The following CLIP3 variants were observed in gnomAD, a reference collection of about 807,000 sequenced individuals.
The protein encoded by CLIP3 is CAP-Gly domain containing linker protein 3.
CLIP3 carries 15 observed loss-of-function variants against 59.4 expected under a neutral mutation model. The ratio of observed to expected loss-of-function variants is 0.25; its 90% CI spans 0.17 to 0.39. The LOEUF is 0.39. CLIP3 is among the 10% of genes least tolerant of loss of function. The probability of loss-of-function intolerance (pLI) is 1.00; values close to 1 mark genes in which losing one functional copy is unlikely to be tolerated. For missense variants in CLIP3, 495 were observed against 765.7 expected, an observed-to-expected ratio of 0.65 and a Z score of 4.17; for synonymous variants, 300 against 321.6, an observed-to-expected ratio of 0.93 and a Z score of 0.72.
chr19:36,032,223 G>A lies in CLIP3; in HGVS notation c.135C>T (p.Pro45=). 1 of 1,305,284 alleles carries A rather than the reference G, an allele frequency of 7.7e-7. No individual in the cohort carries two copies. Among genetic ancestry groups the A allele is most frequent in the South Asian group, 2.7e-5 (1 of 37,028 alleles). 80.9% of individuals were successfully genotyped at this position (1,305,284 alleles called of 1,614,324 possible). Residue 45 remains proline (P), a synonymous_variant, in exon 2 of 14, where the codon CCC becomes CCT. Coordinates refer to ENST00000360535, the MANE Select transcript of CLIP3 (RefSeq NM_015526.3). The surrounding 1 kb of genome is among the most constrained non-coding windows in gnomAD (Gnocchi z 4.3). ...QERRQKPVVH[P]SAPAPLPKDY... ...CCTTAGGGAGGGGGGCAGGTGCCGA[G>A]GGGTGCACAACAGGCTTCTGCCGGC...
Position 36,016,711 on chromosome 19 carries a change from C to A in CLIP3, c.1589+196G>T. On this transcript the variant is annotated intron_variant, in intron 13 of 13. Transcript: ENST00000360535. The surrounding 1 kb of genome is among the most constrained non-coding windows in gnomAD (Gnocchi z 4.1). ...GTTCTGCTTCCTTTACCGGCCCACCCGAAAGTGGAATTCACTAGAATTCAG... is the reference window on the plus strand; with the variant it reads ...GTTCTGCTTCCTTTACCGGCCCACCAGAAAGTGGAATTCACTAGAATTCAG... 1 of 609,848 alleles carries A rather than the reference C, an allele frequency of 1.6e-6. No individual in the cohort carries two copies. Among genetic ancestry groups the A allele is most frequent in the African/African-American group, 1.8e-5 (1 of 54,066 alleles). The allele number at this position is 609,848 out of a possible 1,614,324, so 37.8% of individuals were successfully genotyped here. A position where few individuals can be genotyped will look rare whatever the true frequency, so the allele number is the denominator to read the frequency against.
At chr19:36,027,360 G>A in intron 2 of CLIP3, 89 bp from the exon 3 acceptor site, 1 of 1,431,432 alleles carries the variant, frequency 7.0e-7, no homozygotes, top group Non-Finnish European at 9.3e-7. Flanking sequence ...TTGCCTTTTA[G>A]AGCCTCTAAT....
In CLIP3 at chr19:36,032,073, C is replaced by T; in HGVS notation, c.166+119G>A. ...GAGGGGTGCTCTGCAGCCAAGATTC[C>T]TCTGGACCACCTTCAAATTCCCCAG... On this transcript the variant is annotated intron_variant, in intron 2 of 13. Transcript: ENST00000360535. The surrounding 1 kb of genome is among the most constrained non-coding windows in gnomAD (Gnocchi z 4.3). 2.0e-6 allele frequency: 1 copy of T among 510,940 alleles called. No individual in the cohort carries two copies. The highest frequency in any genetic ancestry group is 3.2e-6 in the Non-Finnish European group (1 of 315,896). 31.7% of individuals were successfully genotyped at this position (510,940 alleles called of 1,614,324 possible). A position where few individuals can be genotyped will look rare whatever the true frequency, so the allele number is the denominator to read the frequency against.
chr19:36,018,582 CAA>C (rs753224712), intron 9 of CLIP3, among the ~76,000 whole-genome samples: 30 of 75,910 alleles, frequency 4.0e-4, no homozygotes, highest in Admixed American at 8.6e-4. Context: ...ACTCTTGACT[CAA>C]AAAAAAAAAA....
chr19:36,024,923 G>A (rs755058867), intron 6 of CLIP3, among the ~76,000 whole-genome samples: 1 of 152,098 alleles, frequency 6.6e-6, no homozygotes, highest in Admixed American at 6.6e-5. Flanking sequence ...AAAATTAGCC[G>A]GGTGTGGTGG....
Position 36,018,763 on chromosome 19 carries a change from A to G in CLIP3, c.1183+135T>C, listed in dbSNP as rs1599694092. On this transcript the variant is annotated intron_variant, in intron 9 of 13. Coordinates refer to ENST00000360535, the MANE Select transcript of CLIP3 (RefSeq NM_015526.3). ...ACTGAGCCAAAGGGGAAACTGAGTCACAGAAGTCAGGAACTCAGAGCTTGT... is the reference window on the plus strand; with the variant it reads ...ACTGAGCCAAAGGGGAAACTGAGTCGCAGAAGTCAGGAACTCAGAGCTTGT... 17 of 1,226,430 alleles carry G rather than the reference A, an allele frequency of 1.4e-5. No homozygotes were observed. In the East Asian group the frequency reaches 4.0e-4, roughly 29 times the overall value. The allele number at this position is 1,226,430 out of a possible 1,614,324, so 76.0% of individuals were successfully genotyped here.
At position 36,016,277 on chromosome 19, in the gene CLIP3, C is replaced by A. The variant is rs1341451973; in HGVS notation, c.1590-65G>T. Reference sequence around the variant, plus strand: ...AGCGGGGACATCTGCACCCATCACCCCCAGCCTTTCCCCCAGTGTTTGCTA... The same window carrying A: ...AGCGGGGACATCTGCACCCATCACCACCAGCCTTTCCCCCAGTGTTTGCTA... On this transcript the variant is annotated intron_variant, in intron 13 of 13. Transcript: ENST00000360535. The surrounding 1 kb of genome is among the most constrained non-coding windows in gnomAD (Gnocchi z 4.1). 2 of 1,568,570 alleles carry A rather than the reference C, an allele frequency of 1.3e-6. No homozygotes were observed. Among genetic ancestry groups the A allele is most frequent in the Admixed American group, 3.4e-5 (2 of 58,404 alleles).
At chr19:36,017,618 G>A in intron 11 of CLIP3, 37 bp downstream of exon 11, 1 of 1,612,846 alleles carries the variant, frequency 6.2e-7, no homozygotes, top group Non-Finnish European at 8.5e-7. Flanking sequence ...AGGGCTCCAG[G>A]TGGTGCCCTG....
Position 36,017,399 on chromosome 19 carries a change from C to T in CLIP3, c.1503G>A (p.Val501=), listed in dbSNP as rs749874385. Residue 501 remains valine (V), a synonymous_variant, in exon 12 of 14, where the codon GTG becomes GTA. Transcript: ENST00000360535. The part of the protein sequence containing the change: ...SPGDSVGAKK[V]HQVTMTQPKR... ...CCCCTAACTCACTTGTCACTTGATG[C>T]ACTTTTTTGGCTCCAACGCTGTCCC... The T allele has an allele frequency of 5.0e-6, 8 of 1,614,026 alleles. No individual in the cohort carries two copies. The highest frequency in any genetic ancestry group is 6.8e-6 in the Non-Finnish European group (8 of 1,180,018).
At position 36,017,700 on chromosome 19, in the gene CLIP3, C is replaced by G. The variant is rs927995792; in HGVS notation, c.1406G>C (p.Cys469Ser). Residue 469 changes from cysteine to serine, a missense_variant, in exon 11 of 14, where the codon TGC becomes TCC. This residue lies in a region of CLIP3 where 179 missense variants were observed against 226.2 expected (regional missense o/e 0.79). Transcript: ENST00000360535. Reference protein sequence around the residue: ...GSVFGVRYFTCPPRHGVFAPA... With the variant: ...GSVFGVRYFTSPPRHGVFAPA... ...TGCGAAGACCCCATGCCTCGGGGGG[C>G]AAGTGAAGTACCGGACACCGAAGAC... 31 of 1,613,810 alleles carry G rather than the reference C, an allele frequency of 1.9e-5. No homozygotes were observed. Among genetic ancestry groups the G allele is most frequent in the Non-Finnish European group, 2.5e-5 (30 of 1,179,866 alleles).
rs575460095 is a variant in CLIP3 at position 36,016,506 on chromosome 19, T to C, written c.1590-294A>G. ...GGGACTACAGGTGTATGCCATTGTG[T>C]CCGGCTAACTTTTGTGTTTTTGGTA... is the stretch of plus-strand genomic sequence containing the variant. On this transcript the variant is annotated intron_variant, in intron 13 of 13. Coordinates refer to ENST00000360535, the MANE Select transcript of CLIP3 (RefSeq NM_015526.3). This position sits in a 1 kb window ranked among gnomAD's most constrained non-coding sequence, Gnocchi z 4.1. Among the ~76,000 whole-genome samples, 76 of 152,296 alleles carry C rather than the reference T, an allele frequency of 5.0e-4. No homozygotes were observed. Among genetic ancestry groups the C allele is most frequent in the Non-Finnish European group, 9.6e-4 (65 of 68,022 alleles).
At chr19:36,028,976 G>A (rs927664051) in intron 2 of CLIP3, among the ~76,000 whole-genome samples, 9 of 128,556 alleles carry the variant, frequency 7.0e-5, no homozygotes, top group South Asian at 5.2e-4. Flanking sequence ...ATCGGCACCC[G>A]CCCTTCTCCA....
intron 7 of CLIP3, among the ~76,000 whole-genome samples, chr19:36,023,696 G>A (rs571387806): frequency 1.8e-4 from 28 of 151,614 alleles, no homozygotes; most frequent in African/African-American, 6.3e-4. Context: ...GTGAACTACC[G>A]TGCCCAGCCC....
chr19:36,017,588 A>G, intron 11 of CLIP3, 67 bp downstream of exon 11: 1 of 1,607,368 alleles, frequency 6.2e-7, no homozygotes, highest in Admixed American at 1.7e-5. Context: ...TGGGAGGAGG[A>G]GGCCATCTGA....
Position 36,017,977 on chromosome 19 carries a change from G to C in CLIP3, c.1198C>G (p.Pro400Ala), listed in dbSNP as rs763232781. Residue 400 changes from proline to alanine, a missense_variant, in exon 10 of 14, where the codon CCA becomes GCA. Physicochemically the swap from Pro to Ala is conservative, Grantham distance 27. Transcript: ENST00000360535. ...RREHKGKKKT[P>A]SSPSLGSLQQ... The stretch of plus-strand genomic sequence containing the variant: ...AAGCTGCCCAGAGATGGGGATGATG[G>C]GGTCTTCTTCTTGCCTAAGGGTAGA... The C allele has an allele frequency of 1.2e-6, 2 of 1,613,960 alleles. No individual in the cohort carries two copies. Among genetic ancestry groups the C allele is most frequent in the Non-Finnish European group, 8.5e-7 (1 of 1,180,034 alleles).
rs2145414710 is a variant in CLIP3 at position 36,032,029 on chromosome 19, G to A, written c.166+163C>T. 2.4e-6 allele frequency: 1 copy of A among 412,862 alleles called. No individual in the cohort carries two copies. Among genetic ancestry groups the A allele is most frequent in the Admixed American group, 4.4e-5 (1 of 22,720 alleles). 25.6% of individuals were successfully genotyped at this position (412,862 alleles called of 1,614,324 possible). ...AGTATTACAATTCCATTCTCCAATG[G>A]GTGAATGAATGAATTAACGAGGGGT... On this transcript the variant is annotated intron_variant, in intron 2 of 13. Transcript: ENST00000360535. This position sits in a 1 kb window ranked among gnomAD's most constrained non-coding sequence, Gnocchi z 4.3.
intron 11 of CLIP3, 48 bp downstream of exon 11, chr19:36,017,607 C>CA: frequency 6.2e-7 from 1 of 1,611,358 alleles, no homozygotes; most frequent in Non-Finnish European, 8.5e-7. Flanking sequence ...GAGGGGGGAT[C>CA]AGGGCTCCAG....
intron 6 of CLIP3, 108 bp from the exon 7 acceptor site, chr19:36,024,740 A>AG (rs1306014108): frequency 2.7e-6 from 3 of 1,094,492 alleles, no homozygotes; most frequent in Non-Finnish European, 4.0e-6. Flanking sequence ...GGGTAAGACT[A>AG]GGTCATATCC....
intron 9 of CLIP3, among the ~76,000 whole-genome samples, 191 bp downstream of exon 9, chr19:36,018,707 C>T (rs931090007): frequency 2.0e-5 from 3 of 152,100 alleles, no homozygotes; most frequent in Non-Finnish European, 4.4e-5. Context: ...AGGGAACCCA[C>T]AGGTCCTTCT....
Sources: gnomAD v4.1 joint callset for allele counts (sites outside exome capture counted in the v4.1 genomes callset) on GRCh38, gnomAD v4.1.1 for gene constraint, gnomAD v4.1.1 regional missense constraint, Gnocchi (gnomAD v3.1) non-coding constraint, MANE v1.5 for transcripts, NCBI Gene and HGNC (gene_info 2026-07-23, HGNC 2026-07-21) for gene names.